Variants in GLI2 observed in about 807,000 individuals in gnomAD.
The protein encoded by GLI2 is transcription activator GLI2.
Under a neutral mutation model 78.9 loss-of-function variants are expected in GLI2, and 22 were observed. That is an observed-to-expected ratio of 0.28 (90% CI 0.20 to 0.40). The LOEUF is 0.40. Ranked by LOEUF, GLI2 falls within the 10% of genes least tolerant of loss-of-function variation. The pLI is 1.00. For missense variants in GLI2, 2,097 were observed against 2,213.2 expected (o/e 0.95, Z 1.05); for synonymous variants, 974 against 963.7 (o/e 1.01, Z -0.20).
At position 120,854,380 on chromosome 2, in the gene GLI2, C is replaced by T. The variant is rs140170209; in HGVS notation, c.148+56912C>T. 2.4e-4 allele frequency among the ~76,000 whole-genome samples: 37 copies of T among 152,314 alleles called. No homozygotes were observed. In the East Asian group the frequency reaches 2.7e-3, roughly 11 times the overall value. On this transcript the variant is annotated intron_variant, in intron 2 of 13. Coordinates refer to ENST00000361492, the MANE Select transcript of GLI2 (RefSeq NM_001374353.1). Reference sequence around the variant, plus strand: ...AGGGTCTGCCTGCCAGTTCCAGCCGCGCATAGCCTTCCCTTTCCTGAGGCC... The same window carrying T: ...AGGGTCTGCCTGCCAGTTCCAGCCGTGCATAGCCTTCCCTTTCCTGAGGCC...
At chr2:120,909,666 C>T (rs1678716761) in intron 2 of GLI2, among the ~76,000 whole-genome samples, 1 of 152,040 alleles carries the variant, frequency 6.6e-6, no homozygotes, top group South Asian at 2.1e-4. Flanking sequence ...GAGATTGAGA[C>T]CATCCTGGCT....
intron 2 of GLI2, among the ~76,000 whole-genome samples, chr2:120,842,910 A>G (rs1270600369): frequency 6.6e-6 from 1 of 152,218 alleles, no homozygotes; most frequent in Non-Finnish European, 1.5e-5. Flanking sequence ...AATACATTCC[A>G]TGAGAGCTGC....
rs192787503 is a variant in GLI2 at position 120,947,115 on chromosome 2, G to A, written c.255-4128G>A. On this transcript the variant is annotated intron_variant, in intron 3 of 13. Transcript: ENST00000361492. ...AAGAAGCTGAAACGGTGGGGAGAAA[G>A]CTCTCCTGCCCTCAGGTACTGCCCC... Among the ~76,000 whole-genome samples the A allele has an allele frequency of 3.7e-3, 556 of 152,276 alleles. 1 individual carries two copies. Among genetic ancestry groups the A allele is most frequent in the African/African-American group, 0.013 (532 of 41,550 alleles).
chr2:120,901,829 A>G (rs1678271493), intron 2 of GLI2, among the ~76,000 whole-genome samples: 1 of 152,160 alleles, frequency 6.6e-6, no homozygotes, highest in Non-Finnish European at 1.5e-5. Context: ...AGGAGGTGAG[A>G]TTACTGACAA....
chr2:120,859,317 G>T (rs1279965534), intron 2 of GLI2, among the ~76,000 whole-genome samples: 5 of 152,168 alleles, frequency 3.3e-5, no homozygotes. Flanking sequence ...ATCTCCTTTT[G>T]TCTTGGAATG....
At chr2:120,844,106 G>T (rs1397703716) in intron 2 of GLI2, among the ~76,000 whole-genome samples, 2 of 152,144 alleles carry the variant, frequency 1.3e-5, no homozygotes, top group Non-Finnish European at 2.9e-5. Flanking sequence ...CTAGCAGAGG[G>T]TGCTTGACAT....
chr2:120,892,468 G>A (rs1298239264), intron 2 of GLI2, among the ~76,000 whole-genome samples: 1 of 152,222 alleles, frequency 6.6e-6, no homozygotes, highest in Non-Finnish European at 1.5e-5. Context: ...GGGCTGCAGA[G>A]GGGAGAGTTC....
intron 5 of GLI2, among the ~76,000 whole-genome samples, chr2:120,967,155 TG>T (rs1381095276): frequency 2.0e-5 from 3 of 152,138 alleles, no homozygotes; most frequent in Non-Finnish European, 4.4e-5. Context: ...CACCAGCCCA[TG>T]GGGAACCCGG....
chr2:120,946,454 T>C (rs1558904516), intron 3 of GLI2, among the ~76,000 whole-genome samples: 1 of 152,178 alleles, frequency 6.6e-6, no homozygotes, highest in Non-Finnish European at 1.5e-5. Flanking sequence ...TGTAGGAGAC[T>C]GTGACCATCT....
intron 2 of GLI2, among the ~76,000 whole-genome samples, chr2:120,888,446 A>T (rs573914739): frequency 1.6e-4 from 24 of 152,196 alleles, no homozygotes; most frequent in Non-Finnish European, 2.6e-4. Flanking sequence ...CAGCACCGCC[A>T]TCACTTTTAT....
chr2:120,903,371 C>G (rs1013253324), intron 2 of GLI2, among the ~76,000 whole-genome samples: 4 of 151,728 alleles, frequency 2.6e-5, no homozygotes, highest in Non-Finnish European at 4.4e-5. Context: ...AAAAAAATTG[C>G]AATTCAGACA....
intron 5 of GLI2, among the ~76,000 whole-genome samples, chr2:120,957,273 C>G (rs1681319807): frequency 6.6e-6 from 1 of 152,142 alleles, no homozygotes; most frequent in Admixed American, 6.5e-5. Context: ...GGTGTTTAGT[C>G]CAGAATTAAG....
Position 120,760,216 on chromosome 2 carries a change from A to G in GLI2, c.-31+23931A>G, listed in dbSNP as rs575629183. On this transcript the variant is annotated intron_variant, in intron 1 of 13. Coordinates refer to ENST00000361492, the MANE Select transcript of GLI2 (RefSeq NM_001374353.1). ...CTGTCTGATGAATGGGATGTGTTAG[A>G]TAGTCTGGGGCCCATCCCAACTGTA... Among the ~76,000 whole-genome samples the G allele has an allele frequency of 2.1e-3, 324 of 151,934 alleles. 1 individual carries two copies. Among genetic ancestry groups the G allele is most frequent in the African/African-American group, 7.6e-3 (315 of 41,456 alleles).
chr2:120,876,580 A>G (rs544535491), intron 2 of GLI2, among the ~76,000 whole-genome samples: 1 of 152,078 alleles, frequency 6.6e-6, no homozygotes, highest in South Asian at 2.1e-4. Context: ...AAATCAGACA[A>G]GTAGGGGATG....
intron 1 of GLI2, among the ~76,000 whole-genome samples, chr2:120,792,748 G>A (rs537592048): frequency 2.6e-5 from 4 of 152,192 alleles, no homozygotes; most frequent in African/African-American, 9.6e-5. Flanking sequence ...TCAGCTTCCC[G>A]AGTAGCTGGG....
intron 3 of GLI2, among the ~76,000 whole-genome samples, chr2:120,949,192 A>C (rs1340820136): frequency 6.6e-6 from 1 of 152,172 alleles, no homozygotes; most frequent in African/African-American, 2.4e-5. Context: ...CACACATAGC[A>C]GCCCCCGCCT....
chr2:120,738,161 CTCTT>C (rs1202862706), intron 1 of GLI2, among the ~76,000 whole-genome samples: 6 of 152,180 alleles, frequency 3.9e-5, no homozygotes, highest in Non-Finnish European at 8.8e-5. Context: ...AGTTTGGAGG[CTCTT>C]TATTTAGGCT....
chr2:120,986,143 C>G, intron 12 of GLI2, 135 bp from the exon 13 acceptor site: 1 of 761,798 alleles, frequency 1.3e-6, no homozygotes, highest in Non-Finnish European at 2.2e-6. Context: ...CGTGCTCCTC[C>G]GCAAGGCAGC....
intron 2 of GLI2, among the ~76,000 whole-genome samples, chr2:120,891,930 G>A (rs1677700924): frequency 1.3e-5 from 2 of 152,186 alleles, no homozygotes; most frequent in African/African-American, 2.4e-5. Flanking sequence ...CACTCCAGGT[G>A]TGACCAATGC....
Sources: gnomAD v4.1 joint callset for allele counts (sites outside exome capture counted in the v4.1 genomes callset) on GRCh38, gnomAD v4.1.1 for gene constraint, MANE v1.5 for transcripts, NCBI Gene and HGNC (gene_info 2026-07-23, HGNC 2026-07-21) for gene names.